The following TRMT9B variants were observed in gnomAD, a reference collection of about 807,000 sequenced individuals.
TRMT9B encodes probable tRNA methyltransferase 9B.
TRMT9B carries 16 observed loss-of-function variants against 11.5 expected under a neutral mutation model. The observed-to-expected ratio is 1.39, with a 90% CI of 0.94 to 2.11. The LOEUF (loss-of-function observed/expected upper bound fraction) is 2.11. Among genes scored for constraint, TRMT9B ranks in the 30% most tolerant of loss-of-function variants. The pLI, the probability that TRMT9B is intolerant of heterozygous loss-of-function variation, is 0.00. For missense variants in TRMT9B, 941 were observed against 553.8 expected (o/e 1.70, Z -7.02); for synonymous variants, 274 against 192.4 (o/e 1.42, Z -3.51).
At chr8:12,977,780 T>C (rs541749988) in intron 1 of TRMT9B, among the ~76,000 whole-genome samples, 102 of 151,518 alleles carry the variant, frequency 6.7e-4, no homozygotes, top group African/African-American at 2.3e-3. Flanking sequence ...TTTGGGAGGC[T>C]GGGGCAGGAG....
intron 1 of TRMT9B, among the ~76,000 whole-genome samples, chr8:12,961,471 G>A (rs1225829408): frequency 6.6e-6 from 1 of 152,018 alleles, no homozygotes; most frequent in Non-Finnish European, 1.5e-5. Flanking sequence ...GGAGGCCGAG[G>A]TGGGCGGATC....
intron 3 of TRMT9B, chr8:13,007,314 G>T (rs1257567783): frequency 2.0e-5 from 3 of 152,192 alleles, no homozygotes; most frequent in African/African-American, 7.2e-5. Flanking sequence ...GAGGACGTTG[G>T]TTCAGTATCT....
intron 2 of TRMT9B, among the ~76,000 whole-genome samples, chr8:13,005,035 G>A (rs913739647): frequency 5.3e-5 from 8 of 149,848 alleles, no homozygotes; most frequent in Non-Finnish European, 1.0e-4. Flanking sequence ...ACACTGAGCC[G>A]AGATCATGCC....
At chr8:12,985,684 T>A (rs2128875642) in intron 1 of TRMT9B, among the ~76,000 whole-genome samples, 1 of 152,224 alleles carries the variant, frequency 6.6e-6, no homozygotes, top group African/African-American at 2.4e-5. Flanking sequence ...TAAATTTAGT[T>A]ATAGTAGAGC....
intron 4 of TRMT9B, among the ~76,000 whole-genome samples, chr8:13,014,835 G>C (rs1186930679): frequency 1.3e-5 from 2 of 152,000 alleles, no homozygotes; most frequent in South Asian, 2.1e-4. Flanking sequence ...GGCCAAGGTG[G>C]GTGGATCACA....
intron 2 of TRMT9B, among the ~76,000 whole-genome samples, chr8:13,002,707 T>C (rs1363933185): frequency 6.6e-6 from 1 of 152,154 alleles, no homozygotes; most frequent in Non-Finnish European, 1.5e-5. Context: ...TAGTAATAAT[T>C]GGGGCAAGAA....
chr8:12,982,785 G>A (rs534352368), intron 1 of TRMT9B, among the ~76,000 whole-genome samples: 2 of 152,236 alleles, frequency 1.3e-5, no homozygotes, highest in Non-Finnish European at 2.9e-5. Context: ...GTGACCACAT[G>A]ATGCCACAAG....
chr8:12,955,348 G>A (rs1458110345), intron 1 of TRMT9B, among the ~76,000 whole-genome samples: 4 of 152,074 alleles, frequency 2.6e-5, no homozygotes, highest in Non-Finnish European at 4.4e-5. Flanking sequence ...GGGGAAGGAG[G>A]GCACTTGAGG....
At chr8:12,962,335 A>G (rs1802234954) in intron 1 of TRMT9B, 2 of 152,180 alleles carry the variant, frequency 1.3e-5, no homozygotes, top group Admixed American at 1.3e-4. Flanking sequence ...AATTTTAACG[A>G]TTTTTGTCAG....
rs1171119768 is a variant in TRMT9B, at chr8:13,022,503, C to CAG, written c.*461_*462dup. 5.9e-6 allele frequency: 1 copy of CAG among 168,430 alleles called. No individual in the cohort carries two copies. 10.4% of individuals were successfully genotyped at this position (168,430 alleles called of 1,614,324 possible). A position where few individuals can be genotyped will look rare whatever the true frequency, so the allele number is the denominator to read the frequency against. ...TAATAGGTAAATTTGATCCATTGCA[C>CAG]AGATATACTTTGAACCATGTGATGA... On this transcript the variant is annotated 3_prime_UTR_variant, in exon 5 of 5. Transcript: ENST00000524591.
intron 3 of TRMT9B, chr8:13,010,739 A>G (rs1811432407): frequency 1.0e-6 from 1 of 984,416 alleles, no homozygotes; most frequent in African/African-American, 1.7e-5. Flanking sequence ...GTATCCCTCG[A>G]GCCAATGAAA....
intron 1 of TRMT9B, chr8:12,951,555 G>A (rs929522876): frequency 1.3e-5 from 2 of 152,236 alleles, no homozygotes; most frequent in Admixed American, 6.5e-5. Flanking sequence ...GGCACGTTCG[G>A]GCGGGGCGAT....
chr8:13,018,257 C>G (rs1469476547), intron 4 of TRMT9B, among the ~76,000 whole-genome samples: 4 of 151,576 alleles, frequency 2.6e-5, no homozygotes. Flanking sequence ...CAAAAATTAG[C>G]TGGGTGTGGT....
At chr8:12,979,190 G>A (rs915567298) in intron 1 of TRMT9B, among the ~76,000 whole-genome samples, 2 of 152,140 alleles carry the variant, frequency 1.3e-5, no homozygotes, top group Non-Finnish European at 2.9e-5. Context: ...GTGACCTAGT[G>A]CTGCATCCAA....
chr8:12,965,651 A>G (rs1290726665), intron 1 of TRMT9B, among the ~76,000 whole-genome samples: 1 of 151,670 alleles, frequency 6.6e-6, no homozygotes, highest in Non-Finnish European at 1.5e-5. Flanking sequence ...GACTACAAGC[A>G]GGAAATTAGA....
chr8:12,971,479 T>G (rs1385881751), intron 1 of TRMT9B, among the ~76,000 whole-genome samples: 1 of 152,232 alleles, frequency 6.6e-6, no homozygotes, highest in East Asian at 1.9e-4. Context: ...TGTATTGGTG[T>G]TCCGACTTCA....
intron 1 of TRMT9B, chr8:12,951,193 A>T (rs993942561): frequency 2.4e-4 from 37 of 151,858 alleles, no homozygotes; most frequent in African/African-American, 9.0e-4. Context: ...GTTTTGCAAA[A>T]CTCAGCAGAT....
At chr8:13,015,834 A>G (rs1174161296) in intron 4 of TRMT9B, among the ~76,000 whole-genome samples, 1 of 152,146 alleles carries the variant, frequency 6.6e-6, no homozygotes, top group Admixed American at 6.6e-5. Flanking sequence ...GAGCACACCT[A>G]GTTACCATCT....
At chr8:13,012,598 T>C in intron 3 of TRMT9B, 86 bp from the exon 4 acceptor site, 2 of 1,441,738 alleles carry the variant, frequency 1.4e-6, no homozygotes, top group East Asian at 4.7e-5. Flanking sequence ...AAATAAAAGG[T>C]TAATTATATT....
Sources: allele counts gnomAD v4.1 joint callset (sites outside exome capture counted in the v4.1 genomes callset), GRCh38; gene constraint gnomAD v4.1.1; transcripts MANE v1.5; gene names NCBI Gene and HGNC (gene_info 2026-07-23, HGNC 2026-07-21).